Variants in NLRP8 observed in about 807,000 individuals in gnomAD.
The protein encoded by NLRP8 is NLR family pyrin domain containing 8.
In NLRP8, 86 loss-of-function variants were observed where a neutral mutation model predicts 88.7. The ratio of observed to expected loss-of-function variants is 0.97; its 90% CI spans 0.81 to 1.16. The LOEUF (loss-of-function observed/expected upper bound fraction) is 1.16, where lower values mean the gene tolerates loss of function less well. Ranked by LOEUF, NLRP8 falls within the 50% of genes most tolerant of loss-of-function variation. The probability of loss-of-function intolerance (pLI) is 0.00; values close to 1 mark genes in which losing one functional copy is unlikely to be tolerated. For synonymous variants in NLRP8, 504 were observed against 494.6 expected, an observed-to-expected ratio of 1.02 and a Z score of -0.25; for missense variants, 1,342 against 1,286.5, an observed-to-expected ratio of 1.04 and a Z score of -0.66.
Position 55,973,803 on chromosome 19 carries a change from T to G in NLRP8, c.2686T>G (p.Cys896Gly), listed in dbSNP as rs903674504. The stretch of plus-strand genomic sequence containing the variant: ...TTGGAATGCCCTGCCACACCTGAGA[T>G]GTCCTCTGCAGAGGCTGGTGTAAGT... The change falls in exon 7 of 10, where the codon TGT becomes GGT. Residue 896 changes from cysteine to glycine, a missense_variant. By Grantham distance (159) the Cys-to-Gly change is radical (BLOSUM62 -3). Coordinates refer to ENST00000291971, the MANE Select transcript of NLRP8 (RefSeq NM_176811.2). 4 of 1,613,670 alleles carry G rather than the reference T, an allele frequency of 2.5e-6. No homozygotes were observed. Among genetic ancestry groups the G allele is most frequent in the Non-Finnish European group, 3.4e-6 (4 of 1,179,716 alleles).
intron 9 of NLRP8, among the ~76,000 whole-genome samples, chr19:55,981,594 A>G (rs911212266): frequency 1.3e-5 from 2 of 152,254 alleles, no homozygotes; most frequent in African/African-American, 2.4e-5. Flanking sequence ...AGACTGGTCC[A>G]TCAACTGTTA....
At chr19:55,956,781 C>G (rs1446922199) in intron 3 of NLRP8, among the ~76,000 whole-genome samples, 1 of 151,984 alleles carries the variant, frequency 6.6e-6, no homozygotes, top group South Asian at 2.1e-4. Flanking sequence ...AAAGATGGGA[C>G]CTTGCTTCAT....
At chr19:55,987,701 G>A in intron 9 of NLRP8, 1 of 725,496 alleles carries the variant, frequency 1.4e-6, no homozygotes, top group East Asian at 2.7e-5. Context: ...AGAAAGGTGA[G>A]GTGGGAGGGG....
intron 1 of NLRP8, among the ~76,000 whole-genome samples, chr19:55,952,313 C>T (rs564232286): frequency 6.6e-6 from 1 of 152,232 alleles, no homozygotes. Flanking sequence ...TTTTTGAACA[C>T]CTTACTCAAT....
chr19:55,956,366 C>T (rs2057311075), intron 3 of NLRP8, among the ~76,000 whole-genome samples: 1 of 152,060 alleles, frequency 6.6e-6, no homozygotes, highest in Admixed American at 6.5e-5. Context: ...GCCTCAGCCT[C>T]CCGAGTAGCT....
rs1458198250 is a variant in NLRP8 at position 55,957,670 on chromosome 19, TAATTATATATATATATATATATATATA to T, written c.2042+1571_2042+1597del. 7.3e-4 allele frequency among the ~76,000 whole-genome samples: 38 copies of T among 51,862 alleles called. 1 individual carries two copies. Among genetic ancestry groups the T allele is most frequent in the African/African-American group, 3.3e-3 (37 of 11,234 alleles). 34.0% of individuals were successfully genotyped at this position (51,862 alleles called of 152,430 possible). A position where few individuals can be genotyped will look rare whatever the true frequency, so the allele number is the denominator to read the frequency against. On this transcript the variant is annotated intron_variant, in intron 3 of 9. Transcript: ENST00000291971. ...CACTATCTTAAAAAAGAAAAAATAA[TAATTATATATATATATATATATATATA>T]TATATATATATATATATATATATAT...
rs1050994020 is a variant in NLRP8, at chr19:55,955,065, T to G, written c.1007T>G (p.Phe336Cys). ...GCCACGCTACTGATCATGATAAGAT[T>G]TACCTCTTGGCAGACATGCAAGCCC... is the stretch of plus-strand genomic sequence containing the variant. Residue 336 changes from phenylalanine (F) to cysteine (C), a missense_variant, in exon 3 of 10, where the codon TTT becomes TGT. Transcript: ENST00000291971. 6.2e-7 allele frequency: 1 copy of G among 1,614,076 alleles called. No homozygotes were observed. The highest frequency in any genetic ancestry group is 1.1e-5 in the South Asian group (1 of 91,074).
rs575749767 is a variant in NLRP8 at position 55,982,208 on chromosome 19, G to A, written c.3047+2644G>A. ...TGAGCCACTATGCCCGGCCCAGGTTGATTTCTTAATTCTGAAGAAATTTTA... is the reference window on the plus strand; with the variant it reads ...TGAGCCACTATGCCCGGCCCAGGTTAATTTCTTAATTCTGAAGAAATTTTA... On this transcript the variant is annotated intron_variant, in intron 9 of 9. Transcript: ENST00000291971. 3.3e-5 allele frequency among the ~76,000 whole-genome samples: 5 copies of A among 152,192 alleles called. No homozygotes were observed. The East Asian group carries it at 9.7e-4, about 29-fold the overall frequency.
At chr19:55,959,106 C>T (rs1043216123) in intron 3 of NLRP8, among the ~76,000 whole-genome samples, 4 of 149,190 alleles carry the variant, frequency 2.7e-5, no homozygotes, top group Non-Finnish European at 4.4e-5. Flanking sequence ...TCTCGATCTC[C>T]TGACCTCATG....
chr19:55,955,183 G>T lies in NLRP8; in HGVS notation c.1125G>T (p.Glu375Asp). Residue 375 changes from glutamate to aspartate, a missense_variant, in exon 3 of 10, where the codon GAG becomes GAT. Coordinates refer to ENST00000291971, the MANE Select transcript of NLRP8 (RefSeq NM_176811.2). ...AGATGTATTTTGGACACACAGAGGA[G>T]GGAGACCAAGTCTTGAGTTTCGCCA... 6.2e-7 allele frequency: 1 copy of T among 1,614,134 alleles called. No individual in the cohort carries two copies. The highest frequency in any genetic ancestry group is 1.1e-5 in the South Asian group (1 of 91,066).
At chr19:55,976,876 C>T (rs141152135) in intron 8 of NLRP8, among the ~76,000 whole-genome samples, 1,798 of 150,226 alleles carry the variant, frequency 0.012, 36 homozygotes, top group African/African-American at 0.041. Flanking sequence ...ATCAGGAGAT[C>T]GAGACTATCC....
At chr19:55,960,537 A>G (rs1294403209) in intron 3 of NLRP8, among the ~76,000 whole-genome samples, 1 of 152,168 alleles carries the variant, frequency 6.6e-6, no homozygotes, top group Non-Finnish European at 1.5e-5. Context: ...TCTTTCTATG[A>G]TGCTGCGTAA....
chr19:55,976,717 T>TA (rs981850019), intron 8 of NLRP8, among the ~76,000 whole-genome samples: 1 of 149,706 alleles, frequency 6.7e-6, no homozygotes, highest in Non-Finnish European at 1.5e-5. Context: ...TATATAAAGA[T>TA]ACATATATAA....
chr19:55,976,063 C>CATT lies in NLRP8; in HGVS notation c.2706-70_2706-69insATT, dbSNP rs572735411. The CATT allele has an allele frequency of 8.3e-5, 108 of 1,304,928 alleles. 1 individual carries two copies. Among genetic ancestry groups the CATT allele is most frequent in the Non-Finnish European group, 1.0e-4 (100 of 966,794 alleles). The allele number at this position is 1,304,928 out of a possible 1,614,324, so 80.8% of individuals were successfully genotyped here. A position where few individuals can be genotyped will look rare whatever the true frequency, so the allele number is the denominator to read the frequency against. On this transcript the variant is annotated intron_variant, in intron 7 of 9. Coordinates refer to ENST00000291971, the MANE Select transcript of NLRP8 (RefSeq NM_176811.2). Reference sequence around the variant, plus strand: ...AAGAAGTAAAACCTAAGGGTGTTTTCGTTGTTGTTGTTGTTGTTGTTTTGT... The same window carrying CATT: ...AAGAAGTAAAACCTAAGGGTGTTTTCATTGTTGTTGTTGTTGTTGTTGTTTTGT...
chr19:55,961,811 T>A (rs576135374), intron 3 of NLRP8, among the ~76,000 whole-genome samples: 1 of 152,122 alleles, frequency 6.6e-6, no homozygotes, highest in Admixed American at 6.5e-5. Context: ...TATAAATAAA[T>A]AAAAAATAAA....
intron 9 of NLRP8, among the ~76,000 whole-genome samples, chr19:55,983,818 C>CAAAAAAAAAA (rs56312019): frequency 1.2e-4 from 10 of 84,650 alleles, no homozygotes; most frequent in Non-Finnish European, 2.0e-4. Flanking sequence ...CTAGTAGATG[C>CAAAAAAAAAA]AAAAAAAAAA....
At position 55,988,438 on chromosome 19, in the gene NLRP8, G is replaced by GTATATATATA. The variant is rs777000805; in HGVS notation, c.*526_*527insATATATATAT. On this transcript the variant is annotated 3_prime_UTR_variant, in exon 10 of 10. Transcript: ENST00000291971. ...CATATACACATAAATATATATATGTGTGTGTGTATATATATATATATATAT... is the reference window on the plus strand; with the variant it reads ...CATATACACATAAATATATATATGTGTATATATATATGTGTGTATATATATATATATATAT... 832 of 91,640 alleles carry GTATATATATA rather than the reference G, an allele frequency of 9.1e-3. 8 individuals are homozygous for GTATATATATA. Among genetic ancestry groups the GTATATATATA allele is most frequent in the African/African-American group, 0.014 (302 of 22,224 alleles). The allele number at this position is 91,640 out of a possible 1,614,324, so 5.7% of individuals were successfully genotyped here.
chr19:55,964,712 A>T (rs1979762397), intron 4 of NLRP8, among the ~76,000 whole-genome samples: 2 of 151,138 alleles, frequency 1.3e-5, no homozygotes. Context: ...AGATTGCGCC[A>T]CTGCACTCCA....
rs1980938306 is a variant in NLRP8, at chr19:55,988,079, T to C, written c.*166T>C. On this transcript the variant is annotated 3_prime_UTR_variant, in exon 10 of 10. Coordinates refer to ENST00000291971, the MANE Select transcript of NLRP8 (RefSeq NM_176811.2). The stretch of plus-strand genomic sequence containing the variant: ...GCTTTGAACCCTGGAGTGAGGACGG[T>C]GATGCCCTGTGTGTATTAATATGCT... 3 of 596,224 alleles carry C rather than the reference T, an allele frequency of 5.0e-6. No homozygotes were observed. Among genetic ancestry groups the C allele is most frequent in the South Asian group, 1.8e-5 (1 of 54,346 alleles). The allele number at this position is 596,224 out of a possible 1,614,324, so 36.9% of individuals were successfully genotyped here.
Sources: gnomAD v4.1 joint callset for allele counts (sites outside exome capture counted in the v4.1 genomes callset) on GRCh38, gnomAD v4.1.1 for gene constraint, MANE v1.5 for transcripts, NCBI Gene and HGNC (gene_info 2026-07-23, HGNC 2026-07-21) for gene names.